The following ZFHX3 variants were observed in gnomAD, a reference collection of about 807,000 sequenced individuals.
The protein encoded by ZFHX3 is zinc finger homeobox protein 3.
Under a neutral mutation model 279.1 loss-of-function variants are expected in ZFHX3, and 42 were observed. The ratio of observed to expected loss-of-function variants is 0.15; its 90% CI spans 0.12 to 0.19. ZFHX3 has a LOEUF of 0.19. Ranked by LOEUF, ZFHX3 falls within the 10% of genes least tolerant of loss-of-function variation. ZFHX3 has a pLI of 1.00. For missense variants in ZFHX3, 4,981 were observed against 4,754.0 expected (o/e 1.05, Z -1.40); for synonymous variants, 2,293 against 1,957.8 (o/e 1.17, Z -4.52).
intron 1 of ZFHX3, among the ~76,000 whole-genome samples, chr16:73,703,629 C>G (rs1038077951): frequency 6.6e-6 from 1 of 152,094 alleles, no homozygotes; most frequent in Non-Finnish European, 1.5e-5. Context: ...GATCGGTAGA[C>G]TGTGCCTACC....
chr16:72,918,169 C>T (rs1488340385), intron 3 of ZFHX3, among the ~76,000 whole-genome samples: 1 of 152,172 alleles, frequency 6.6e-6, no homozygotes, highest in East Asian at 1.9e-4. Flanking sequence ...AAGACCACGT[C>T]CCATCAAAGG....
intron 3 of ZFHX3, among the ~76,000 whole-genome samples, chr16:73,414,668 C>G (rs2017535193): frequency 6.6e-6 from 1 of 152,136 alleles, no homozygotes; most frequent in Non-Finnish European, 1.5e-5. Context: ...AGACCCCCAT[C>G]TCTACAAAAA....
intron 2 of ZFHX3, among the ~76,000 whole-genome samples, chr16:73,673,029 T>G (rs879083906): frequency 2.6e-5 from 4 of 152,174 alleles, no homozygotes; most frequent in Admixed American, 2.6e-4. Flanking sequence ...AGTGAAAATT[T>G]GTCACTCCCA....
chr16:73,565,666 ACT>A (rs2020440662), intron 2 of ZFHX3, among the ~76,000 whole-genome samples: 1 of 152,198 alleles, frequency 6.6e-6, no homozygotes, highest in African/African-American at 2.4e-5. Flanking sequence ...GTCCAAGATA[ACT>A]CAGCCCAATC....
intron 5 of ZFHX3, among the ~76,000 whole-genome samples, chr16:73,152,760 T>TAAA (rs1244368235): frequency 2.5e-3 from 84 of 33,966 alleles, no homozygotes; most frequent in African/African-American, 7.5e-3. Context: ...ATGAGTTGCT[T>TAAA]AAAAAAAAAA....
chr16:73,387,774 G>A (rs1484107302), intron 3 of ZFHX3, among the ~76,000 whole-genome samples: 1 of 151,910 alleles, frequency 6.6e-6, no homozygotes, highest in Non-Finnish European at 1.5e-5. Context: ...TTATACACAA[G>A]TCGCACATAA....
chr16:73,884,502 T>G (rs941295925), intron 1 of ZFHX3, among the ~76,000 whole-genome samples: 1 of 152,094 alleles, frequency 6.6e-6, no homozygotes, highest in African/African-American at 2.4e-5. Context: ...CATGGAAAAA[T>G]CATGCAGTTT....
At chr16:73,052,422 T>C (rs955866306), upstream of ZFHX3, among the ~76,000 whole-genome samples, 8 of 152,038 alleles carry the variant, frequency 5.3e-5, no homozygotes, top group Admixed American at 2.6e-4. Context: ...GGCAGGAAGA[T>C]AGACAAAAGA....
chr16:73,647,796 A>T (rs1175462469), intron 2 of ZFHX3, among the ~76,000 whole-genome samples: 2 of 152,228 alleles, frequency 1.3e-5, no homozygotes, highest in African/African-American at 4.8e-5. Flanking sequence ...TCCCAAATAA[A>T]CAAAATGTAT....
chr16:73,280,793 C>T (rs1221779154), intron 4 of ZFHX3, among the ~76,000 whole-genome samples: 1 of 151,784 alleles, frequency 6.6e-6, no homozygotes, highest in Non-Finnish European at 1.5e-5. Flanking sequence ...ACCAACTTGA[C>T]CAACATGGAG....
Position 73,738,653 on chromosome 16 carries a change from A to C in ZFHX3, c.-1607-58413T>G, listed in dbSNP as rs936331118. ...ACGGTATAAGAAAAGGGGACGTTTC[A>C]TGGTGGAAGAGTACCAGACATAATG... On this transcript the variant is annotated intron_variant, in intron 1 of 17. Coordinates refer to the ZFHX3 transcript ENST00000641206. 9.9e-5 allele frequency among the ~76,000 whole-genome samples: 15 copies of C among 152,216 alleles called. 1 individual carries two copies. The highest frequency in any genetic ancestry group is 9.2e-4 in the Admixed American group (14 of 15,286).
intron 1 of ZFHX3, among the ~76,000 whole-genome samples, chr16:73,885,323 T>TG (rs1414881172): frequency 6.6e-6 from 1 of 152,184 alleles, no homozygotes; most frequent in Non-Finnish European, 1.5e-5. Context: ...TTAAAAAACT[T>TG]TTTATATGAC....
At chr16:72,841,446 C>G (rs1597298337) in intron 4 of ZFHX3, among the ~76,000 whole-genome samples, 1 of 152,216 alleles carries the variant, frequency 6.6e-6, no homozygotes. Flanking sequence ...GCACCTTGTA[C>G]AGCTATTCTG....
intron 1 of ZFHX3, among the ~76,000 whole-genome samples, chr16:72,961,884 TAAACC>T (rs57537362): frequency 0.28 from 41,179 of 149,634 alleles, 5,862 homozygotes; most frequent in East Asian, 0.34. Context: ...ATGACTACAG[TAAACC>T]AAACCAAACC....
rs552598254 is a variant in ZFHX3 at position 73,132,934 on chromosome 16, G to C, written c.-1023-1840C>G. Among the ~76,000 whole-genome samples, 9 of 152,354 alleles carry C rather than the reference G, an allele frequency of 5.9e-5. No individual in the cohort carries two copies. In the South Asian group the frequency reaches 1.9e-3, roughly 32 times the overall value. ...GGTCGGTTTGGCCGATCGTGATGGA[G>C]AAATTCATGAAGATGCATGGCACAG... On this transcript the variant is annotated intron_variant, in intron 6 of 17. Coordinates refer to the ZFHX3 transcript ENST00000641206.
chr16:73,300,852 G>A (rs914504005), intron 4 of ZFHX3, among the ~76,000 whole-genome samples: 4 of 152,182 alleles, frequency 2.6e-5, no homozygotes, highest in Non-Finnish European at 5.9e-5. Context: ...TACCTGTTCC[G>A]AAAGCTGTGA....
intron 5 of ZFHX3, among the ~76,000 whole-genome samples, chr16:72,828,887 C>T (rs566072125): frequency 7.9e-5 from 12 of 152,054 alleles, no homozygotes; most frequent in Non-Finnish European, 1.8e-4. Context: ...GACAGTGTCT[C>T]ACCACGTTGC....
At chr16:73,715,709 T>C (rs566572384) in intron 1 of ZFHX3, among the ~76,000 whole-genome samples, 41 of 151,734 alleles carry the variant, frequency 2.7e-4, no homozygotes, top group Admixed American at 9.2e-4. Flanking sequence ...GTAGCTGCGA[T>C]TACAGGTGCC....
chr16:73,100,978 T>G (rs1183302996), intron 7 of ZFHX3, among the ~76,000 whole-genome samples: 1 of 152,204 alleles, frequency 6.6e-6, no homozygotes, highest in East Asian at 1.9e-4. Flanking sequence ...TGCTGCTTTC[T>G]GCTTTATCCA....
Sources: allele counts gnomAD v4.1 joint callset (sites outside exome capture counted in the v4.1 genomes callset), GRCh38; gene constraint gnomAD v4.1.1; transcripts MANE v1.5; gene names NCBI Gene and HGNC (gene_info 2026-07-23, HGNC 2026-07-21).